CPNE4: variants seen among roughly 807,000 people sequenced by gnomAD.
The protein encoded by CPNE4 is copine 4.
In CPNE4, 25 loss-of-function variants were observed where a neutral mutation model predicts 67.9. The observed-to-expected ratio is 0.37, with a 90% CI of 0.27 to 0.51. The LOEUF is 0.51. Ranked by LOEUF, CPNE4 falls within the 20% of genes least tolerant of loss-of-function variation. The probability of loss-of-function intolerance (pLI) is 0.93; values close to 1 mark genes in which losing one functional copy is unlikely to be tolerated. For missense variants in CPNE4, 464 were observed against 690.8 expected (o/e 0.67, Z 3.68); for synonymous variants, 242 against 244.9 (o/e 0.99, Z 0.11).
intron 7 of CPNE4, among the ~76,000 whole-genome samples, chr3:131,588,503 G>A (rs1452096963): frequency 6.6e-6 from 1 of 152,152 alleles, no homozygotes. Flanking sequence ...GGTTTTCCTT[G>A]GAATATTGGG....
intron 2 of CPNE4, among the ~76,000 whole-genome samples, chr3:131,888,353 G>T (rs537460691): frequency 6.6e-6 from 1 of 151,744 alleles, no homozygotes; most frequent in Non-Finnish European, 1.5e-5. Context: ...TTGTTCCTTT[G>T]ATACACAGTT....
chr3:132,001,360 C>G (rs555539267), intron 1 of CPNE4, among the ~76,000 whole-genome samples: 98 of 151,956 alleles, frequency 6.4e-4, no homozygotes, highest in African/African-American at 2.1e-3. Flanking sequence ...ATGATGAGTA[C>G]ATAATGTCAG....
chr3:131,894,621 A>G (rs188902854), intron 2 of CPNE4, among the ~76,000 whole-genome samples: 3 of 152,126 alleles, frequency 2.0e-5, no homozygotes, highest in Non-Finnish European at 4.4e-5. Flanking sequence ...AAAATGTTCA[A>G]TATTACTAAT....
At chr3:131,976,354 C>A (rs2072653306) in intron 1 of CPNE4, among the ~76,000 whole-genome samples, 1 of 151,824 alleles carries the variant, frequency 6.6e-6, no homozygotes, top group Non-Finnish European at 1.5e-5. Flanking sequence ...GAAAACACAA[C>A]AGCAACAAAA....
intron 2 of CPNE4, among the ~76,000 whole-genome samples, chr3:131,780,480 T>C (rs1220554843): frequency 6.6e-6 from 1 of 152,118 alleles, no homozygotes; most frequent in South Asian, 2.1e-4. Flanking sequence ...ATACACACCA[T>C]GGAATACTAC....
intron 5 of CPNE4, among the ~76,000 whole-genome samples, chr3:131,686,663 T>C (rs1392755985): frequency 6.6e-6 from 1 of 152,238 alleles, no homozygotes; most frequent in Admixed American, 6.5e-5. Flanking sequence ...AAAACCTGAG[T>C]GTTCACGAGG....
chr3:131,977,677 G>T (rs2072700599), intron 1 of CPNE4, among the ~76,000 whole-genome samples: 1 of 151,942 alleles, frequency 6.6e-6, no homozygotes. Context: ...CATCATTAAA[G>T]ATTTTTATTA....
At chr3:132,025,383 G>A (rs962043076) in intron 1 of CPNE4, among the ~76,000 whole-genome samples, 1 of 152,176 alleles carries the variant, frequency 6.6e-6, no homozygotes, top group African/African-American at 2.4e-5. Context: ...TAGAAACAGA[G>A]GAAGTTTTAT....
chr3:131,762,737 C>T (rs2082919254), intron 2 of CPNE4, among the ~76,000 whole-genome samples: 1 of 151,938 alleles, frequency 6.6e-6, no homozygotes, highest in African/African-American at 2.4e-5. Context: ...CTGCAGGAAG[C>T]CTGGATAGCA....
chr3:131,568,230 A>G (rs1937159337), intron 10 of CPNE4, among the ~76,000 whole-genome samples: 1 of 152,024 alleles, frequency 6.6e-6, no homozygotes, highest in Non-Finnish European at 1.5e-5. Context: ...TGGTTCCTAA[A>G]ACCTCATTTA....
At chr3:131,953,383 A>C (rs67354769) in intron 1 of CPNE4, among the ~76,000 whole-genome samples, 21,106 of 151,970 alleles carry the variant, frequency 0.14, 1,524 homozygotes, top group African/African-American at 0.18. Context: ...ATTATGCGGA[A>C]GTATATTTCT....
At chr3:131,999,809 T>C (rs1277540727) in intron 1 of CPNE4, among the ~76,000 whole-genome samples, 1 of 152,068 alleles carries the variant, frequency 6.6e-6, no homozygotes, top group East Asian at 1.9e-4. Flanking sequence ...AGAAGGCTAG[T>C]GCAGCTAGAG....
intron 1 of CPNE4, among the ~76,000 whole-genome samples, chr3:132,023,421 C>T (rs1348577173): frequency 1.4e-5 from 2 of 146,384 alleles, no homozygotes; most frequent in African/African-American, 2.5e-5. Flanking sequence ...TTAATTGTTG[C>T]TTTTTAAAAT....
intron 1 of CPNE4, among the ~76,000 whole-genome samples, chr3:131,970,712 A>G (rs1201226290): frequency 6.6e-6 from 1 of 152,160 alleles, no homozygotes; most frequent in Non-Finnish European, 1.5e-5. Flanking sequence ...ACAGCTTCAC[A>G]TTAGATTTCA....
At chr3:131,724,737 T>A (rs1285560261) in intron 2 of CPNE4, among the ~76,000 whole-genome samples, 1 of 152,172 alleles carries the variant, frequency 6.6e-6, no homozygotes, top group African/African-American at 2.4e-5. Flanking sequence ...GTTGTTGCTA[T>A]CTCTGATGTC....
intron 2 of CPNE4, among the ~76,000 whole-genome samples, chr3:131,763,420 C>T (rs1485733768): frequency 2.0e-5 from 3 of 152,192 alleles, no homozygotes; most frequent in Admixed American, 6.5e-5. Context: ...CTGGAGACGT[C>T]GCAGTGTAAT....
chr3:131,849,457 G>T (rs538129108), intron 2 of CPNE4, among the ~76,000 whole-genome samples: 2 of 152,026 alleles, frequency 1.3e-5, no homozygotes, highest in Non-Finnish European at 2.9e-5. Flanking sequence ...AGAAGGGGGT[G>T]ATGCTACATA....
chr3:131,553,434 C>T (rs933889121), intron 12 of CPNE4, among the ~76,000 whole-genome samples: 3 of 152,062 alleles, frequency 2.0e-5, no homozygotes, highest in African/African-American at 7.2e-5. Flanking sequence ...GCCTCCAGGG[C>T]CTGCCTTGCT....
chr3:131,878,758 A>T (rs965677084), intron 2 of CPNE4, among the ~76,000 whole-genome samples: 17 of 152,360 alleles, frequency 1.1e-4, no homozygotes, highest in African/African-American at 2.9e-4. Flanking sequence ...AAGAATAGAT[A>T]TGCTACAACT....
Sources: gnomAD v4.1 joint callset for allele counts (sites outside exome capture counted in the v4.1 genomes callset) on GRCh38, gnomAD v4.1.1 for gene constraint, MANE v1.5 for transcripts, NCBI Gene and HGNC (gene_info 2026-07-23, HGNC 2026-07-21) for gene names.